DCUN1D1: variants seen among roughly 807,000 people sequenced by gnomAD.
The protein encoded by DCUN1D1 is defective in cullin neddylation 1 domain containing 1, also known as DCN1-like protein 1.
DCUN1D1 carries 3 observed loss-of-function variants against 39.0 expected under a neutral mutation model. The ratio of observed to expected loss-of-function variants is 0.08; its 90% CI spans 0.04 to 0.20. DCUN1D1 has a LOEUF of 0.20. DCUN1D1 is among the 10% of genes least tolerant of loss of function. The pLI is 1.00. For synonymous variants in DCUN1D1, 82 were observed against 96.3 expected (o/e 0.85, Z 0.87); for missense variants, 158 against 302.4 (o/e 0.52, Z 3.54).
chr3:182,957,867 A>C (rs1200769867), intron 4 of DCUN1D1, among the ~76,000 whole-genome samples: 2 of 145,086 alleles, frequency 1.4e-5, no homozygotes, highest in African/African-American at 5.0e-5. Context: ...GAGCCCAGGA[A>C]GTCAAGCCTG....
chr3:182,950,488 T>C (rs1726659583), intron 4 of DCUN1D1, among the ~76,000 whole-genome samples: 1 of 152,104 alleles, frequency 6.6e-6, no homozygotes, highest in South Asian at 2.1e-4. Flanking sequence ...GGATCTTTTT[T>C]TTTGACCAAT....
chr3:182,985,318 T>A (rs1728691502), upstream of DCUN1D1, among the ~76,000 whole-genome samples: 2 of 152,134 alleles, frequency 1.3e-5, no homozygotes, highest in Non-Finnish European at 2.9e-5. Flanking sequence ...TGCCTGGGCC[T>A]CTTTCATCCA....
At chr3:182,973,676 G>A (rs181729774) in intron 1 of DCUN1D1, among the ~76,000 whole-genome samples, 19 of 151,086 alleles carry the variant, frequency 1.3e-4, no homozygotes, top group African/African-American at 3.4e-4. Context: ...GCATGGTGGC[G>A]TGCGCCTGTA....
chr3:182,971,135 CTT>C (rs1289790473), intron 1 of DCUN1D1, among the ~76,000 whole-genome samples: 4 of 152,204 alleles, frequency 2.6e-5, no homozygotes, highest in Admixed American at 1.3e-4. Context: ...GGCTGTATGA[CTT>C]TGGGAAAATT....
Position 182,938,133 on chromosome 3 carries a change from ATAC to A in DCUN1D1, c.*6958_*6960del, listed in dbSNP as rs1161292129. ...ATCTGTTGATATAATAGCTTCTTAT[ATAC>A]TACATTAACTTGAAAAATATATTCG... On this transcript the variant is annotated 3_prime_UTR_variant, in exon 7 of 7. Coordinates refer to ENST00000292782, the MANE Select transcript of DCUN1D1 (RefSeq NM_020640.4). 1.3e-5 allele frequency: 2 copies of A among 152,204 alleles called. No homozygotes were observed. Among genetic ancestry groups the A allele is most frequent in the African/African-American group, 2.4e-5 (1 of 41,460 alleles). The allele number at this position is 152,204 out of a possible 1,614,324, so 9.4% of individuals were successfully genotyped here. A position where few individuals can be genotyped will look rare whatever the true frequency, so the allele number is the denominator to read the frequency against.
chr3:182,980,523 C>CG lies in DCUN1D1; in HGVS notation c.-35dup. 1 of 1,237,216 alleles carries CG rather than the reference C, an allele frequency of 8.1e-7. No homozygotes were observed. The highest frequency in any genetic ancestry group is 1.0e-6 in the Non-Finnish European group (1 of 971,262). 76.6% of individuals were successfully genotyped at this position (1,237,216 alleles called of 1,614,324 possible). A position where few individuals can be genotyped will look rare whatever the true frequency, so the allele number is the denominator to read the frequency against. On this transcript the variant is annotated 5_prime_UTR_variant, in exon 1 of 7. Coordinates refer to ENST00000292782, the MANE Select transcript of DCUN1D1 (RefSeq NM_020640.4). ...CCTCCAGGCCTCTCCCCTCCTCCTC[C>CG]GGCTCCGCAGCGAATGGACGGCGGC...
At chr3:182,975,851 T>TAAAAA (rs533263687) in intron 1 of DCUN1D1, among the ~76,000 whole-genome samples, 17 of 66,798 alleles carry the variant, frequency 2.5e-4, no homozygotes, top group African/African-American at 8.5e-4. Flanking sequence ...CCAGATATGC[T>TAAAAA]AAAAAAAAAA....
At chr3:182,952,414 CT>C (rs201995868) in intron 4 of DCUN1D1, among the ~76,000 whole-genome samples, 2,728 of 152,260 alleles carry the variant, frequency 0.018, 96 homozygotes, top group African/African-American at 0.064. Flanking sequence ...TCAACCGCCC[CT>C]AACAGCTCCT....
chr3:182,962,167 C>T (rs1577181927), intron 3 of DCUN1D1, among the ~76,000 whole-genome samples: 1 of 152,138 alleles, frequency 6.6e-6, no homozygotes, highest in Non-Finnish European at 1.5e-5. Flanking sequence ...AAAAACATTG[C>T]TTCCTTAAGT....
At chr3:182,956,864 G>C in intron 4 of DCUN1D1, among the ~76,000 whole-genome samples, 1 of 152,182 alleles carries the variant, frequency 6.6e-6, no homozygotes, top group Middle Eastern at 3.4e-3. Flanking sequence ...ACAGACCCAC[G>C]GTGTTCTATA....
intron 1 of DCUN1D1, chr3:182,985,731 T>G (rs1728712805): frequency 6.6e-6 from 1 of 152,178 alleles, no homozygotes; most frequent in African/African-American, 2.4e-5. Context: ...CCCTAGGAAG[T>G]TGGGCACCAG....
chr3:182,949,757 TC>T (rs1358148141), intron 4 of DCUN1D1, among the ~76,000 whole-genome samples: 1 of 151,744 alleles, frequency 6.6e-6, no homozygotes, highest in East Asian at 1.9e-4. Context: ...AATACCTACT[TC>T]CCCACCCCCA....
chr3:182,975,041 A>T (rs926998656), intron 1 of DCUN1D1, among the ~76,000 whole-genome samples: 6 of 152,152 alleles, frequency 3.9e-5, no homozygotes. Context: ...TGAACAACTT[A>T]ATACTGAAAT....
chr3:182,966,857 A>G (rs1727692743), intron 1 of DCUN1D1, among the ~76,000 whole-genome samples: 2 of 152,226 alleles, frequency 1.3e-5, no homozygotes, highest in Admixed American at 1.3e-4. Context: ...CTGTAATCCC[A>G]GCACCTTGGG....
rs1411454269 is a variant in DCUN1D1, at chr3:182,951,645, AAC to A, written c.521-4015_521-4014del. On this transcript the variant is annotated intron_variant, in intron 4 of 6. Coordinates refer to ENST00000292782, the MANE Select transcript of DCUN1D1 (RefSeq NM_020640.4). The stretch of plus-strand genomic sequence containing the variant: ...AAAAAAAAAAAAAAAAAAAAAAAAA[AAC>A]CACCACACACAAAAGAAAGAAAGTT... Among the ~76,000 whole-genome samples, 231 of 133,434 alleles carry A rather than the reference AAC, an allele frequency of 1.7e-3. 3 individuals carry two copies. Among genetic ancestry groups the A allele is most frequent in the South Asian group, 5.6e-3 (23 of 4,084 alleles). 87.5% of individuals were successfully genotyped at this position (133,434 alleles called of 152,430 possible).
At chr3:182,957,937 CAAAAAAAA>C (rs34998390) in intron 4 of DCUN1D1, among the ~76,000 whole-genome samples, 2 of 67,504 alleles carry the variant, frequency 3.0e-5, no homozygotes, top group South Asian at 7.8e-4. Flanking sequence ...GACCCTGCAT[CAAAAAAAA>C]AAAAAAAAAA....
intron 2 of DCUN1D1, among the ~76,000 whole-genome samples, chr3:182,965,331 G>T (rs1474489051): frequency 6.6e-6 from 1 of 152,062 alleles, no homozygotes; most frequent in African/African-American, 2.4e-5. Flanking sequence ...TGCACAATGG[G>T]GGAGGAAAAT....
chr3:182,975,360 C>T lies in DCUN1D1; in HGVS notation c.3+5127G>A, dbSNP rs1047117600. ...TCCAGCTAATTTTTTGTATTTTTAG[C>T]AGAGATGGGGTTTCACCGTGTTAGC... On this transcript the variant is annotated intron_variant, in intron 1 of 6. Coordinates refer to ENST00000292782, the MANE Select transcript of DCUN1D1 (RefSeq NM_020640.4). Among the ~76,000 whole-genome samples, 15 of 151,700 alleles carry T rather than the reference C, an allele frequency of 9.9e-5. No homozygotes were observed. The South Asian group carries it at 2.3e-3, about 23-fold the overall frequency.
intron 1 of DCUN1D1, among the ~76,000 whole-genome samples, chr3:182,966,855 C>T (rs1727692484): frequency 1.3e-5 from 2 of 152,306 alleles, no homozygotes; most frequent in South Asian, 4.1e-4. Flanking sequence ...GCCTGTAATC[C>T]CAGCACCTTG....
Sources: gnomAD v4.1 joint callset for allele counts (sites outside exome capture counted in the v4.1 genomes callset) on GRCh38, gnomAD v4.1.1 for gene constraint, MANE v1.5 for transcripts, NCBI Gene and HGNC (gene_info 2026-07-23, HGNC 2026-07-21) for gene names.